Variants in ACSBG1 observed in about 807,000 individuals in gnomAD.
ACSBG1 encodes long-chain-fatty-acid--CoA ligase ACSBG1.
ACSBG1 carries 39 observed loss-of-function variants against 80.2 expected under a neutral mutation model. That is an observed-to-expected ratio of 0.49 (90% CI 0.38 to 0.64). The LOEUF is 0.64. ACSBG1 is among the 30% of genes least tolerant of loss of function. ACSBG1 has a pLI of 0.00. For missense variants in ACSBG1, 828 were observed against 966.4 expected, an observed-to-expected ratio of 0.86 and a Z score of 1.90; for synonymous variants, 392 against 379.5, an observed-to-expected ratio of 1.03 and a Z score of -0.38.
intron 1 of ACSBG1, among the ~76,000 whole-genome samples, chr15:78,229,137 G>C (rs779917769): frequency 2.7e-5 from 4 of 147,172 alleles, no homozygotes; most frequent in Non-Finnish European, 4.5e-5. Context: ...ATAATTATTT[G>C]TTAATGTCTG....
intron 2 of ACSBG1, among the ~76,000 whole-genome samples, chr15:78,205,201 T>C (rs2075202273): frequency 6.6e-6 from 1 of 152,006 alleles, no homozygotes; most frequent in Non-Finnish European, 1.5e-5. Flanking sequence ...GCTGCCTTTG[T>C]GTGAAGGTCA....
chr15:78,197,719 TAAAAAAAAA>T (rs746712543), intron 2 of ACSBG1, among the ~76,000 whole-genome samples: 2 of 103,368 alleles, frequency 1.9e-5, no homozygotes, highest in Non-Finnish European at 1.9e-5. Flanking sequence ...ACTCTGTCTT[TAAAAAAAAA>T]AAAAAAAAAA....
intron 1 of ACSBG1, among the ~76,000 whole-genome samples, chr15:78,208,953 T>C (rs996689784): frequency 3.3e-5 from 5 of 152,252 alleles, no homozygotes; most frequent in South Asian, 2.1e-4. Flanking sequence ...AACAGGATTA[T>C]AGAACTCCAG....
Position 78,168,905 on chromosome 15 carries a change from C to T in ACSBG1, c.*2539G>A. 1 of 1,555,164 alleles carries T rather than the reference C, an allele frequency of 6.4e-7. No individual in the cohort carries two copies. ...TTTGCGGATACATCTTTTATTTTTG[C>T]TTTTTCCTTTTCTCAGAGCTTGACA... is the stretch of plus-strand genomic sequence containing the variant. On this transcript the variant is annotated 3_prime_UTR_variant, in exon 14 of 14. Coordinates refer to ENST00000258873, the MANE Select transcript of ACSBG1 (RefSeq NM_015162.5).
chr15:78,189,276 A>T (rs889427817), intron 5 of ACSBG1, among the ~76,000 whole-genome samples: 1 of 150,350 alleles, frequency 6.7e-6, no homozygotes, highest in Non-Finnish European at 1.5e-5. Context: ...TTCCTCAGGG[A>T]TCTAGAACTA....
intron 2 of ACSBG1, among the ~76,000 whole-genome samples, chr15:78,204,200 TG>T (rs1231128137): frequency 6.6e-6 from 1 of 152,212 alleles, no homozygotes; most frequent in Non-Finnish European, 1.5e-5. Context: ...GAATTACAAT[TG>T]GGGTAGACAA....
intron 1 of ACSBG1, among the ~76,000 whole-genome samples, chr15:78,217,925 A>C (rs546229343): frequency 1.3e-5 from 2 of 152,112 alleles, no homozygotes; most frequent in East Asian, 3.9e-4. Context: ...GTGTTTTCAT[A>C]TGTTGTATTG....
At chr15:78,207,649 C>T in intron 2 of ACSBG1, 1 of 272,514 alleles carries the variant, frequency 3.7e-6, no homozygotes, top group Non-Finnish European at 7.0e-6. Context: ...CAAGGCATTG[C>T]TTATCTGGGC....
intron 1 of ACSBG1, among the ~76,000 whole-genome samples, chr15:78,215,730 GAAA>G (rs2075303419): frequency 1.1e-5 from 1 of 89,392 alleles, no homozygotes; most frequent in Non-Finnish European, 2.5e-5. Context: ...GAAAGAGAAA[GAAA>G]GAAAGAAAGA....
intron 5 of ACSBG1, among the ~76,000 whole-genome samples, chr15:78,185,052 GGAGA>G (rs35144005): frequency 0.14 from 19,200 of 140,688 alleles, 2,136 homozygotes; most frequent in African/African-American, 0.31. Context: ...CGGAGGGGAG[GGAGA>G]GAGAGAGAGA....
chr15:78,198,690 A>G (rs1201287986), intron 2 of ACSBG1, among the ~76,000 whole-genome samples: 1 of 152,260 alleles, frequency 6.6e-6, no homozygotes, highest in East Asian at 1.9e-4. Context: ...ACTTGTTCCA[A>G]GAAATATGAA....
In ACSBG1 at chr15:78,167,662, T is replaced by G. The variant is rs912226572; in HGVS notation, c.*3782A>C. The G allele has an allele frequency of 2.0e-5, 3 of 152,222 alleles. No homozygotes were observed. Among genetic ancestry groups the G allele is most frequent in the African/African-American group, 7.2e-5 (3 of 41,432 alleles). 9.4% of individuals were successfully genotyped at this position (152,222 alleles called of 1,614,324 possible). On this transcript the variant is annotated 3_prime_UTR_variant, in exon 14 of 14. Coordinates refer to ENST00000258873, the MANE Select transcript of ACSBG1 (RefSeq NM_015162.5). The stretch of plus-strand genomic sequence containing the variant: ...ACTCTGCACCCGTTAAACAGTAACT[T>G]TCCCTTCCCCCTCCCATCCTCTGAC...
intron 2 of ACSBG1, among the ~76,000 whole-genome samples, chr15:78,198,369 CAA>C (rs1340641508): frequency 7.0e-6 from 1 of 142,246 alleles, no homozygotes; most frequent in Non-Finnish European, 1.5e-5. Context: ...GTTTTTGAGA[CAA>C]AGTCTCACTC....
chr15:78,228,263 C>T (rs1010418763), intron 1 of ACSBG1, among the ~76,000 whole-genome samples: 5 of 152,086 alleles, frequency 3.3e-5, no homozygotes, highest in African/African-American at 1.2e-4. Context: ...CTCACAGGAC[C>T]CAGTGTGAGA....
intron 1 of ACSBG1, among the ~76,000 whole-genome samples, chr15:78,225,850 C>T (rs2075396202): frequency 6.6e-6 from 1 of 152,146 alleles, no homozygotes; most frequent in African/African-American, 2.4e-5. Context: ...CTCAAAGTGT[C>T]TCATAGGGTT....
chr15:78,184,176 GGGTTTTGTTTTGTT>G (rs1264607522), intron 5 of ACSBG1, among the ~76,000 whole-genome samples: 3 of 152,018 alleles, frequency 2.0e-5, no homozygotes, highest in Non-Finnish European at 2.9e-5. Context: ...TTGGTTTCTG[GGGTTTTGTTTTGTT>G]GGTTTTGTTT....
chr15:78,184,368 CAG>C (rs1044731397), intron 5 of ACSBG1, among the ~76,000 whole-genome samples: 4 of 151,434 alleles, frequency 2.6e-5, no homozygotes, highest in South Asian at 2.1e-4. Context: ...TTTGTAGAGA[CAG>C]GGGGGTCTCA....
Position 78,180,823 on chromosome 15 carries a change from G to A in ACSBG1, c.1185C>T (p.Phe395=), listed in dbSNP as rs993861297. The change falls in exon 9 of 14, where the codon TTC becomes TTT. Residue 395 remains phenylalanine (F), a synonymous_variant. Coordinates refer to ENST00000258873, the MANE Select transcript of ACSBG1 (RefSeq NM_015162.5). ...CCCACAGCAGCATCTTTCGCCGGATGAAGCCAGACTGAGCCGCCACCTCCT... is the reference window on the plus strand; with the variant it reads ...CCCACAGCAGCATCTTTCGCCGGATAAAGCCAGACTGAGCCGCCACCTCCT... The part of the protein sequence containing the change: ...RIQEVAAQSG[F]IRRKMLLWAM... The A allele has an allele frequency of 5.6e-6, 9 of 1,614,100 alleles. No homozygotes were observed. The highest frequency in any genetic ancestry group is 7.6e-6 in the Non-Finnish European group (9 of 1,180,052).
At chr15:78,197,907 CCGTGGGCA>C (rs1403068117) in intron 2 of ACSBG1, among the ~76,000 whole-genome samples, 1 of 152,068 alleles carries the variant, frequency 6.6e-6, no homozygotes, top group Non-Finnish European at 1.5e-5. Flanking sequence ...TGACTTTCTC[CCGTGGGCA>C]CATCTAGAAG....
Sources: allele counts gnomAD v4.1 joint callset (sites outside exome capture counted in the v4.1 genomes callset), GRCh38; gene constraint gnomAD v4.1.1; transcripts MANE v1.5; gene names NCBI Gene and HGNC (gene_info 2026-07-23, HGNC 2026-07-21).